PCDH9: variants seen among roughly 807,000 people sequenced by gnomAD.
PCDH9 encodes protocadherin 9, also known as protocadherin-9.
PCDH9 carries 24 observed loss-of-function variants against 70.6 expected under a neutral mutation model. That is an observed-to-expected ratio of 0.34 (90% CI 0.25 to 0.48). PCDH9 has a LOEUF of 0.48. PCDH9 is among the 20% of genes least tolerant of loss of function. PCDH9 has a pLI of 0.99. For synonymous variants in PCDH9, 562 were observed against 558.5 expected (o/e 1.01, Z -0.09); for missense variants, 1,281 against 1,503.6 (o/e 0.85, Z 2.45).
At chr13:66,803,574 C>A (rs1256318942) in intron 3 of PCDH9, among the ~76,000 whole-genome samples, 2 of 152,142 alleles carry the variant, frequency 1.3e-5, no homozygotes, top group Non-Finnish European at 2.9e-5. Flanking sequence ...TTCACTGAAG[C>A]ACTCCCCTTC....
At chr13:67,040,150 T>C (rs1005795787) in intron 2 of PCDH9, among the ~76,000 whole-genome samples, 1 of 152,204 alleles carries the variant, frequency 6.6e-6, no homozygotes, top group Non-Finnish European at 1.5e-5. Flanking sequence ...TATTTCATAA[T>C]CAGTGGCCCC....
intron 4 of PCDH9, among the ~76,000 whole-genome samples, chr13:66,613,708 G>C (rs61172819): frequency 6.6e-6 from 1 of 152,054 alleles, no homozygotes; most frequent in East Asian, 1.9e-4. Context: ...CCAGCGACTG[G>C]GTTTTCTTCT....
At chr13:66,606,682 C>T (rs956574623) in intron 4 of PCDH9, among the ~76,000 whole-genome samples, 2 of 152,080 alleles carry the variant, frequency 1.3e-5, no homozygotes, top group Non-Finnish European at 2.9e-5. Flanking sequence ...ATCATTAGTA[C>T]ATCTGTCCTA....
chr13:66,687,946 A>G (rs995304424), intron 3 of PCDH9, among the ~76,000 whole-genome samples: 8 of 152,054 alleles, frequency 5.3e-5, no homozygotes, highest in Non-Finnish European at 2.9e-5. Context: ...TTATGGTGTG[A>G]AATTAAGTAT....
chr13:67,018,700 TCC>T (rs1220069086), intron 2 of PCDH9, among the ~76,000 whole-genome samples: 1 of 151,454 alleles, frequency 6.6e-6, no homozygotes, highest in Non-Finnish European at 1.5e-5. Context: ...CTGACGAGGC[TCC>T]CAGAAAGAAA....
rs1418487308 is a variant in PCDH9, at chr13:67,227,733, G to A, written c.708C>T (p.Ala236=). ...DGGTPQKSST[A]ILQVTVSDVN... ...CATCACTTACTGTGACCTGCAGTATGGCCGTACTGGATTTCTGTGGAGTGC... is the reference window on the plus strand; with the variant it reads ...CATCACTTACTGTGACCTGCAGTATAGCCGTACTGGATTTCTGTGGAGTGC... The change falls in exon 2 of 5, where the codon GCC becomes GCT. Residue 236 remains alanine, a synonymous_variant. Transcript: ENST00000377865. The surrounding 1 kb of genome is among the most constrained non-coding windows in gnomAD (Gnocchi z 4.6). 1.2e-6 allele frequency: 2 copies of A among 1,613,886 alleles called. No homozygotes were observed. The highest frequency in any genetic ancestry group is 2.2e-5 in the East Asian group (1 of 44,874).
rs1594388465 is a variant in PCDH9 at position 67,011,470 on chromosome 13, A to G, written c.3037-107865T>C. On this transcript the variant is annotated intron_variant, in intron 2 of 4. Transcript: ENST00000377865. ...AATTTGCCAGAATGCTTTTCATTAGATATCTGTTAAATTAATACCTTAGCA... is the reference window on the plus strand; with the variant it reads ...AATTTGCCAGAATGCTTTTCATTAGGTATCTGTTAAATTAATACCTTAGCA... Among the ~76,000 whole-genome samples the G allele has an allele frequency of 2.0e-5, 3 of 151,978 alleles. No individual in the cohort carries two copies. In the East Asian group the frequency reaches 5.8e-4, roughly 29 times the overall value.
chr13:66,731,121 T>C (rs2079073868), intron 3 of PCDH9, among the ~76,000 whole-genome samples: 1 of 151,954 alleles, frequency 6.6e-6, no homozygotes, highest in South Asian at 2.1e-4. Context: ...TAGAAAAGAA[T>C]CATTCGAAGA....
At chr13:66,420,554 G>A (rs1445231435) in intron 4 of PCDH9, among the ~76,000 whole-genome samples, 2 of 152,150 alleles carry the variant, frequency 1.3e-5, no homozygotes, top group Non-Finnish European at 2.9e-5. Context: ...GCATGGAGTG[G>A]ACCCCCAGCT....
chr13:66,867,802 T>C (rs2081602421), intron 3 of PCDH9, among the ~76,000 whole-genome samples: 1 of 152,002 alleles, frequency 6.6e-6, no homozygotes. Context: ...CCTACAAGTG[T>C]TATGAACTTT....
At chr13:66,580,966 G>A (rs1388347725) in intron 4 of PCDH9, among the ~76,000 whole-genome samples, 1 of 152,010 alleles carries the variant, frequency 6.6e-6, no homozygotes, top group African/African-American at 2.4e-5. Flanking sequence ...CCACGGTGGT[G>A]GTCAGCAACT....
intron 2 of PCDH9, among the ~76,000 whole-genome samples, chr13:66,937,530 T>C (rs2082936583): frequency 6.6e-6 from 1 of 152,246 alleles, no homozygotes; most frequent in East Asian, 1.9e-4. Flanking sequence ...TTCACGGCTT[T>C]ATGCCTGTTT....
chr13:67,024,155 A>G (rs369714164), intron 2 of PCDH9, among the ~76,000 whole-genome samples: 1 of 152,210 alleles, frequency 6.6e-6, no homozygotes, highest in South Asian at 2.1e-4. Flanking sequence ...TATTTTACCT[A>G]CAATTACTGG....
At chr13:67,030,938 A>G (rs2084893408) in intron 2 of PCDH9, among the ~76,000 whole-genome samples, 1 of 152,180 alleles carries the variant, frequency 6.6e-6, no homozygotes, top group Non-Finnish European at 1.5e-5. Context: ...ACTCTTAGTG[A>G]CACTGATATA....
At position 66,891,538 on chromosome 13, in the gene PCDH9, T is replaced by C. The variant is rs188991689; in HGVS notation, c.3138+11966A>G. ...CCTAGCTGTTTATTTTAGATAGATGTTATGTCCTAAATACCTATTGAGTCA... is the reference window on the plus strand; with the variant it reads ...CCTAGCTGTTTATTTTAGATAGATGCTATGTCCTAAATACCTATTGAGTCA... On this transcript the variant is annotated intron_variant, in intron 3 of 4. Transcript: ENST00000377865. Among the ~76,000 whole-genome samples, 5 of 152,230 alleles carry C rather than the reference T, an allele frequency of 3.3e-5. No homozygotes were observed. The East Asian group carries it at 9.6e-4, about 29-fold the overall frequency.
intron 2 of PCDH9, among the ~76,000 whole-genome samples, chr13:67,117,013 G>A (rs1268053598): frequency 1.3e-5 from 2 of 152,114 alleles, no homozygotes; most frequent in African/African-American, 4.8e-5. Flanking sequence ...AGAAACTTAT[G>A]GAGTGGAGAA....
chr13:66,750,144 T>C (rs1196736623), intron 3 of PCDH9, among the ~76,000 whole-genome samples: 1 of 152,144 alleles, frequency 6.6e-6, no homozygotes, highest in Non-Finnish European at 1.5e-5. Flanking sequence ...CTTATTTCTC[T>C]TTTAAAAATT....
intron 4 of PCDH9, among the ~76,000 whole-genome samples, chr13:66,401,591 A>G (rs1159571484): frequency 6.6e-6 from 1 of 152,120 alleles, no homozygotes; most frequent in Admixed American, 6.6e-5. Flanking sequence ...ACCTTCTAAC[A>G]AATATAATTT....
chr13:66,697,334 C>T (rs548751742), intron 3 of PCDH9, among the ~76,000 whole-genome samples: 89 of 152,106 alleles, frequency 5.9e-4, no homozygotes, highest in African/African-American at 2.1e-3. Context: ...GTCCACCTCT[C>T]ATATCAAAAT....
Sources: allele counts gnomAD v4.1 joint callset (sites outside exome capture counted in the v4.1 genomes callset), GRCh38; gene constraint gnomAD v4.1.1; non-coding constraint Gnocchi (gnomAD v3.1); transcripts MANE v1.5; gene names NCBI Gene and HGNC (gene_info 2026-07-23, HGNC 2026-07-21).